ST6GALNAC3: variants seen among roughly 807,000 people sequenced by gnomAD.
ST6GALNAC3 encodes the protein alpha-N-acetylgalactosaminide alpha-2,6-sialyltransferase 3.
Under a neutral mutation model 32.7 loss-of-function variants are expected in ST6GALNAC3, and 25 were observed. The observed-to-expected ratio is 0.76, with a 90% CI of 0.56 to 1.07. The LOEUF is 1.07. ST6GALNAC3 is among the 50% of genes least tolerant of loss of function. The probability of loss-of-function intolerance (pLI) is 0.00; values close to 1 mark genes in which losing one functional copy is unlikely to be tolerated. For missense variants in ST6GALNAC3, 355 were observed against 382.4 expected (o/e 0.93, Z 0.60); for synonymous variants, 129 against 133.1 (o/e 0.97, Z 0.21).
intron 1 of ST6GALNAC3, among the ~76,000 whole-genome samples, chr1:76,100,806 T>A (rs1647206405): frequency 6.6e-6 from 1 of 152,110 alleles, no homozygotes; most frequent in Admixed American, 6.6e-5. Flanking sequence ...ATCTGTTTTT[T>A]TTTTTTTCCT....
intron 3 of ST6GALNAC3, among the ~76,000 whole-genome samples, chr1:76,525,941 A>G (rs1662886825): frequency 6.6e-6 from 1 of 150,860 alleles, no homozygotes; most frequent in Non-Finnish European, 1.5e-5. Flanking sequence ...TGTCTTAAAA[A>G]TGGAAGCAGA....
At position 76,540,089 on chromosome 1, in the gene ST6GALNAC3, A is replaced by C. The variant is rs561679073; in HGVS notation, c.624-87363A>C. Reference sequence around the variant, plus strand: ...TACTGCAGCACTATTTATAATAGCAAAGACATGGAACCAACCCAAATGTCC... The same window carrying C: ...TACTGCAGCACTATTTATAATAGCACAGACATGGAACCAACCCAAATGTCC... On this transcript the variant is annotated intron_variant, in intron 3 of 4. Coordinates refer to ENST00000328299, the MANE Select transcript of ST6GALNAC3 (RefSeq NM_152996.4). 5.3e-5 allele frequency among the ~76,000 whole-genome samples: 8 copies of C among 152,350 alleles called. No homozygotes were observed. The South Asian group carries it at 1.7e-3, about 32-fold the overall frequency.
intron 2 of ST6GALNAC3, chr1:76,353,630 C>A: frequency 6.4e-6 from 1 of 155,548 alleles, no homozygotes; most frequent in South Asian, 1.9e-4. Context: ...CCTGTATGGT[C>A]AGGTTCATGC....
intron 4 of ST6GALNAC3, 104 bp downstream of exon 4, chr1:76,627,663 C>A: frequency 1.1e-6 from 1 of 904,258 alleles, no homozygotes; most frequent in Admixed American, 1.9e-5. Flanking sequence ...GATAAAGCAA[C>A]AATTATTTCC....
chr1:76,565,745 A>T (rs1485337059), intron 3 of ST6GALNAC3, among the ~76,000 whole-genome samples: 1 of 152,180 alleles, frequency 6.6e-6, no homozygotes, highest in Non-Finnish European at 1.5e-5. Flanking sequence ...AGCTGTGGAT[A>T]TTCAATGATG....
intron 1 of ST6GALNAC3, among the ~76,000 whole-genome samples, chr1:76,284,373 A>T (rs563480787): frequency 8.5e-5 from 13 of 152,220 alleles, no homozygotes; most frequent in Admixed American, 1.3e-4. Flanking sequence ...TATGAGGGGC[A>T]CATTGGACAT....
At chr1:76,552,738 C>A (rs1386156157) in intron 3 of ST6GALNAC3, among the ~76,000 whole-genome samples, 5 of 151,896 alleles carry the variant, frequency 3.3e-5, no homozygotes, top group African/African-American at 4.8e-5. Context: ...TTTTATTTTT[C>A]TTTTCTTAAA....
chr1:76,210,587 A>G (rs1394751454), intron 1 of ST6GALNAC3, among the ~76,000 whole-genome samples: 1 of 152,136 alleles, frequency 6.6e-6, no homozygotes, highest in Non-Finnish European at 1.5e-5. Context: ...CAACAGAAAT[A>G]TATTTCTTAC....
intron 2 of ST6GALNAC3, among the ~76,000 whole-genome samples, chr1:76,325,281 A>C (rs2100936770): frequency 6.6e-6 from 1 of 152,338 alleles, no homozygotes; most frequent in African/African-American, 2.4e-5. Flanking sequence ...AATACAATAA[A>C]TATTTTGGCA....
intron 1 of ST6GALNAC3, among the ~76,000 whole-genome samples, chr1:76,278,238 T>TTTTTTTTTTTTTTTA (rs1570668938): frequency 9.1e-6 from 1 of 109,864 alleles, no homozygotes; most frequent in East Asian, 4.0e-4. Flanking sequence ...TTTTTTTTTT[T>TTTTTTTTTTTTTTTA]GAGATGGAGT....
chr1:76,522,697 C>A (rs2101795728), intron 3 of ST6GALNAC3, among the ~76,000 whole-genome samples: 1 of 152,278 alleles, frequency 6.6e-6, no homozygotes, highest in South Asian at 2.1e-4. Flanking sequence ...TCTCACAGTT[C>A]TTTTTCTTCC....
chr1:76,078,251 G>C (rs1398874365), intron 1 of ST6GALNAC3, among the ~76,000 whole-genome samples: 5 of 152,130 alleles, frequency 3.3e-5, no homozygotes, highest in Non-Finnish European at 7.4e-5. Flanking sequence ...AGAAAACTGA[G>C]ATAGAGAGAT....
chr1:76,582,958 G>A (rs1646912394), intron 3 of ST6GALNAC3, among the ~76,000 whole-genome samples: 3 of 152,066 alleles, frequency 2.0e-5, no homozygotes, highest in Non-Finnish European at 4.4e-5. Flanking sequence ...TACTGCCCCT[G>A]CAGACTGGGT....
At chr1:76,417,224 TC>T in intron 3 of ST6GALNAC3, among the ~76,000 whole-genome samples, 1 of 150,856 alleles carries the variant, frequency 6.6e-6, no homozygotes, top group South Asian at 2.1e-4. Context: ...TTTCTTTCTT[TC>T]TTTTTTTTTT....
At chr1:76,505,228 A>G (rs1485988207) in intron 3 of ST6GALNAC3, among the ~76,000 whole-genome samples, 6 of 151,596 alleles carry the variant, frequency 4.0e-5, no homozygotes, top group Non-Finnish European at 5.9e-5. Context: ...GGTTCAAGCA[A>G]TTTCCTGCCT....
At chr1:76,118,942 C>G (rs567305986) in intron 1 of ST6GALNAC3, among the ~76,000 whole-genome samples, 1 of 152,180 alleles carries the variant, frequency 6.6e-6, no homozygotes, top group African/African-American at 2.4e-5. Flanking sequence ...CTTGCCTCAG[C>G]CTCCTGAGTA....
intron 1 of ST6GALNAC3, among the ~76,000 whole-genome samples, chr1:76,113,602 A>G (rs928502675): frequency 1.3e-5 from 2 of 151,822 alleles, no homozygotes; most frequent in Non-Finnish European, 2.9e-5. Context: ...AAGATGATGT[A>G]ATGACCTCAT....
intron 2 of ST6GALNAC3, among the ~76,000 whole-genome samples, chr1:76,331,910 T>A (rs1486697661): frequency 6.6e-6 from 1 of 152,224 alleles, no homozygotes. Context: ...GAGACCTGCC[T>A]AAAATATCTC....
chr1:76,434,892 G>A (rs879323456), intron 3 of ST6GALNAC3, among the ~76,000 whole-genome samples: 2 of 142,022 alleles, frequency 1.4e-5, no homozygotes, highest in African/African-American at 5.2e-5. Context: ...CCAGATTCAA[G>A]CAATTCTCCT....
Sources: gnomAD v4.1 joint callset for allele counts (sites outside exome capture counted in the v4.1 genomes callset) on GRCh38, gnomAD v4.1.1 for gene constraint, MANE v1.5 for transcripts, NCBI Gene and HGNC (gene_info 2026-07-23, HGNC 2026-07-21) for gene names.